Variants in VTCN1 observed in about 807,000 individuals in gnomAD.
The protein encoded by VTCN1 is V-set domain-containing T-cell activation inhibitor 1.
In VTCN1, 26 loss-of-function variants were observed where a neutral mutation model predicts 26.5. That is an observed-to-expected ratio of 0.98 (90% CI 0.72 to 1.36). The LOEUF (loss-of-function observed/expected upper bound fraction) is 1.36, where lower values mean the gene tolerates loss of function less well. VTCN1 is among the 40% of genes most tolerant of loss of function. VTCN1 has a pLI of 0.00. For synonymous variants in VTCN1, 116 were observed against 130.7 expected (o/e 0.89, Z 0.77); for missense variants, 298 against 337.7 (o/e 0.88, Z 0.92).
intron 1 of VTCN1, among the ~76,000 whole-genome samples, chr1:117,187,309 CAAAAAAAAAAAA>C: frequency 1.4e-5 from 1 of 73,244 alleles, no homozygotes; most frequent in South Asian, 6.4e-4. Flanking sequence ...GACCTTGTCT[CAAAAAAAAAAAA>C]AAAAAAAAAA....
chr1:117,194,374 T>C (rs934135779), intron 1 of VTCN1, among the ~76,000 whole-genome samples: 3 of 152,080 alleles, frequency 2.0e-5, no homozygotes, highest in Non-Finnish European at 2.9e-5. Flanking sequence ...GTGATAAAAA[T>C]GTTGGTGCGG....
chr1:117,190,475 G>A (rs1377790153), intron 1 of VTCN1, among the ~76,000 whole-genome samples: 2 of 152,086 alleles, frequency 1.3e-5, no homozygotes, highest in Admixed American at 6.5e-5. Flanking sequence ...AACTCAGCAG[G>A]TATCCTCCCA....
Position 117,170,189 on chromosome 1 carries a change from G to A in VTCN1, c.33-18C>T. 2.5e-6 allele frequency: 4 copies of A among 1,611,708 alleles called. No individual in the cohort carries two copies. Among genetic ancestry groups the A allele is most frequent in the Non-Finnish European group, 3.4e-6 (4 of 1,178,668 alleles). ...TAATTATGCTACGGGAAGAGAGAGA[G>A]AAACAGAAAATTAGTTCTCCATTCC... On this transcript the variant is annotated intron_variant, in intron 1 of 5. Coordinates refer to ENST00000369458, the MANE Select transcript of VTCN1 (RefSeq NM_024626.4).
intron 1 of VTCN1, among the ~76,000 whole-genome samples, chr1:117,200,064 G>A (rs1163044592): frequency 6.6e-6 from 1 of 152,136 alleles, no homozygotes. Flanking sequence ...TCACAGTTGG[G>A]CTTTAAAAGG....
chr1:117,205,698 A>C (rs948996673), intron 1 of VTCN1, among the ~76,000 whole-genome samples: 1 of 152,224 alleles, frequency 6.6e-6, no homozygotes, highest in African/African-American at 2.4e-5. Flanking sequence ...CTGATTAGAA[A>C]GGTAATTTTT....
In VTCN1 at chr1:117,169,271, C is replaced by G. The variant is rs1652771592; in HGVS notation, c.97+836G>C. On this transcript the variant is annotated intron_variant, in intron 2 of 5. Transcript: ENST00000369458. This position sits in a 1 kb window ranked among gnomAD's most constrained non-coding sequence, Gnocchi z 4.0. ...GGAAAGTGAAGAGACTCTTCTGCAA[C>G]TGACATTGGCTAGATACGTTCAGAA... Among the ~76,000 whole-genome samples, 1 of 152,210 alleles carries G rather than the reference C, an allele frequency of 6.6e-6. No homozygotes were observed. The highest frequency in any genetic ancestry group is 1.5e-5 in the Non-Finnish European group (1 of 68,042).
intron 1 of VTCN1, among the ~76,000 whole-genome samples, chr1:117,193,673 T>G (rs56281793): frequency 0.12 from 18,508 of 152,162 alleles, 1,445 homozygotes; most frequent in Non-Finnish European, 0.18. Context: ...TATCCTACTT[T>G]CAATAATGGA....
rs192835554 is a variant in VTCN1 at position 117,155,138 on chromosome 1, A to C, written c.445+1436T>G. On this transcript the variant is annotated intron_variant, in intron 3 of 5. Transcript: ENST00000369458. The surrounding 1 kb of genome is among the most constrained non-coding windows in gnomAD (Gnocchi z 4.8). ...GTATTCTGTAGGTTGCCCCTCTGTT[A>C]GAATTCATCTGATGTTTTCTCCTGA... Among the ~76,000 whole-genome samples, 2 of 152,290 alleles carry C rather than the reference A, an allele frequency of 1.3e-5. No homozygotes were observed. The highest frequency in any genetic ancestry group is 1.3e-4 in the Admixed American group (2 of 15,296).
At chr1:117,176,348 C>CTATA (rs963321536) in intron 1 of VTCN1, among the ~76,000 whole-genome samples, 3 of 152,196 alleles carry the variant, frequency 2.0e-5, no homozygotes, top group African/African-American at 7.2e-5. Context: ...TAACTACATG[C>CTATA]TATACTTCTA....
intron 1 of VTCN1, among the ~76,000 whole-genome samples, chr1:117,188,609 T>G (rs537629189): frequency 6.6e-6 from 1 of 152,210 alleles, no homozygotes; most frequent in Non-Finnish European, 1.5e-5. Context: ...TTTATTTCTC[T>G]AAGTGTCAGA....
rs1647773816 is a variant in VTCN1, at chr1:117,183,425, G to A, written c.33-13254C>T. Among the ~76,000 whole-genome samples, 1 of 152,154 alleles carries A rather than the reference G, an allele frequency of 6.6e-6. No individual in the cohort carries two copies. The highest frequency in any genetic ancestry group is 2.4e-5 in the African/African-American group (1 of 41,430). On this transcript the variant is annotated intron_variant, in intron 1 of 5. Transcript: ENST00000369458. This position sits in a 1 kb window ranked among gnomAD's most constrained non-coding sequence, Gnocchi z 4.1. ...AAACTAACACATTCTTAACTTTTGA[G>A]AAACCATTTATGGGAGAAATGATCA...
Position 117,175,832 on chromosome 1 carries a change from A to G in VTCN1, c.33-5661T>C, listed in dbSNP as rs2101538985. Among the ~76,000 whole-genome samples the G allele has an allele frequency of 6.9e-6, 1 of 145,692 alleles. No homozygotes were observed. The highest frequency in any genetic ancestry group is 2.0e-4 in the East Asian group (1 of 4,954). ...GTTGCCCAGGCTGGAGTGCACTGGC[A>G]TGATCTCAGTTCACTGCAACCTCCG... is the stretch of plus-strand genomic sequence containing the variant. On this transcript the variant is annotated intron_variant, in intron 1 of 5. Transcript: ENST00000369458. The surrounding 1 kb of genome is among the most constrained non-coding windows in gnomAD (Gnocchi z 4.2).
intron 2 of VTCN1, 124 bp from the exon 3 acceptor site, chr1:117,157,045 A>G: frequency 6.4e-7 from 1 of 1,570,876 alleles, no homozygotes; most frequent in Non-Finnish European, 8.6e-7. Flanking sequence ...AGAACATGAG[A>G]GGCAATAAGA....
At chr1:117,193,544 GGT>G (rs1557876038) in intron 1 of VTCN1, among the ~76,000 whole-genome samples, 1 of 149,034 alleles carries the variant, frequency 6.7e-6, no homozygotes, top group South Asian at 2.2e-4. Flanking sequence ...TCATCAAAAG[GGT>G]ATAACAATTG....
chr1:117,189,611 C>T (rs1373634738), intron 1 of VTCN1, among the ~76,000 whole-genome samples: 1 of 152,124 alleles, frequency 6.6e-6, no homozygotes, highest in African/African-American at 2.4e-5. Context: ...AACTTTAGAA[C>T]AAGGAAGTTA....
intron 2 of VTCN1, among the ~76,000 whole-genome samples, chr1:117,164,546 GCATC>G (rs1652515372): frequency 6.6e-6 from 1 of 152,156 alleles, no homozygotes; most frequent in Non-Finnish European, 1.5e-5. Context: ...AGCATTGATG[GCATC>G]AATATAAATA....
intron 1 of VTCN1, among the ~76,000 whole-genome samples, chr1:117,187,132 G>A (rs533218909): frequency 2.0e-5 from 3 of 151,820 alleles, no homozygotes; most frequent in Non-Finnish European, 4.4e-5. Context: ...GCAACAAGGT[G>A]AAACCCTGCC....
At chr1:117,178,829 A>C (rs928624759) in intron 1 of VTCN1, among the ~76,000 whole-genome samples, 3 of 151,964 alleles carry the variant, frequency 2.0e-5, no homozygotes, top group African/African-American at 7.3e-5. Flanking sequence ...GGCATCAAGC[A>C]ATCCTCCCAC....
chr1:117,160,172 G>A (rs1334934040), intron 2 of VTCN1, among the ~76,000 whole-genome samples: 2 of 152,184 alleles, frequency 1.3e-5, no homozygotes, highest in Non-Finnish European at 2.9e-5. Context: ...GAGACCATGG[G>A]AGAGAAAAAT....
Sources: allele counts gnomAD v4.1 joint callset (sites outside exome capture counted in the v4.1 genomes callset), GRCh38; gene constraint gnomAD v4.1.1; non-coding constraint Gnocchi (gnomAD v3.1); transcripts MANE v1.5; gene names NCBI Gene and HGNC (gene_info 2026-07-23, HGNC 2026-07-21).